The following GALNTL6 variants were observed in gnomAD, a reference collection of about 807,000 sequenced individuals.
GALNTL6 encodes polypeptide N-acetylgalactosaminyltransferase like 6, also known as polypeptide N-acetylgalactosaminyltransferase-like 6.
A neutral mutation model predicts 73.7 loss-of-function variants in GALNTL6; 46 were observed. The ratio of observed to expected loss-of-function variants is 0.62; its 90% confidence interval spans 0.49 to 0.80. GALNTL6 has a LOEUF of 0.80. Among genes scored for constraint, GALNTL6 ranks in the 30% least tolerant of loss-of-function variants. The pLI is 0.00. For synonymous variants in GALNTL6, 259 were observed against 263.7 expected (o/e 0.98, Z 0.17); for missense variants, 604 against 755.0 (o/e 0.80, Z 2.34).
At chr4:172,146,332 T>C (rs1228921845) in intron 2 of GALNTL6, among the ~76,000 whole-genome samples, 2 of 152,138 alleles carry the variant, frequency 1.3e-5, no homozygotes, top group Non-Finnish European at 2.9e-5. Flanking sequence ...TAAATACGTG[T>C]CAGTTTTGGA....
chr4:171,954,172 T>A (rs1738976148), intron 2 of GALNTL6, among the ~76,000 whole-genome samples: 1 of 152,232 alleles, frequency 6.6e-6, no homozygotes, highest in Admixed American at 6.5e-5. Context: ...TGTCATTTTG[T>A]ATTCTATCAA....
chr4:172,961,001 G>A (rs942075286), intron 10 of GALNTL6, among the ~76,000 whole-genome samples: 1 of 136,022 alleles, frequency 7.4e-6, no homozygotes, highest in Non-Finnish European at 1.6e-5. Flanking sequence ...GGGAGAAGGG[G>A]TTGGGGGGTT....
intron 3 of GALNTL6, among the ~76,000 whole-genome samples, chr4:172,258,228 G>A (rs909902574): frequency 2.6e-5 from 4 of 151,236 alleles, no homozygotes; most frequent in Non-Finnish European, 5.9e-5. Flanking sequence ...TATTTGTGAT[G>A]CCAAATGCAA....
chr4:172,411,614 A>G (rs900698328), intron 5 of GALNTL6, among the ~76,000 whole-genome samples: 4 of 142,590 alleles, frequency 2.8e-5, no homozygotes, highest in Admixed American at 1.4e-4. Flanking sequence ...GGACATGTTG[A>G]AAAAAAAAAA....
chr4:172,443,212 C>G (rs1236443170), intron 5 of GALNTL6, among the ~76,000 whole-genome samples: 1 of 136,826 alleles, frequency 7.3e-6, no homozygotes, highest in Non-Finnish European at 1.5e-5. Context: ...GTCCCCCAGG[C>G]TGGAGTGCAG....
Position 172,515,805 on chromosome 4 carries a change from A to C in GALNTL6, c.553+167116A>C, listed in dbSNP as rs560237111. 2.4e-4 allele frequency among the ~76,000 whole-genome samples: 36 copies of C among 152,278 alleles called. 1 individual carries two copies. In the South Asian group the frequency reaches 7.5e-3, roughly 32 times the overall value. ...CAAACACCAATACTCCCAGCACCTAAAAAATTTAGGGCCTCAGTTCTGAAG... is the reference window on the plus strand; with the variant it reads ...CAAACACCAATACTCCCAGCACCTACAAAATTTAGGGCCTCAGTTCTGAAG... On this transcript the variant is annotated intron_variant, in intron 5 of 12. Transcript: ENST00000506823.
chr4:172,243,400 A>G (rs836320), intron 3 of GALNTL6, among the ~76,000 whole-genome samples: 148,236 of 152,258 alleles, frequency 0.97, 72,295 homozygotes, highest in East Asian at 1. Context: ...ATTTACACAC[A>G]TGTATTTACG....
chr4:172,876,518 C>T (rs12512152), intron 7 of GALNTL6, among the ~76,000 whole-genome samples: 75,303 of 151,962 alleles, frequency 0.5, 21,901 homozygotes, highest in East Asian at 0.9. Flanking sequence ...AATCCAGTTA[C>T]GCATTGCAAT....
chr4:172,290,330 TAAC>T (rs1056544297), intron 3 of GALNTL6, among the ~76,000 whole-genome samples: 11 of 152,178 alleles, frequency 7.2e-5, no homozygotes, highest in African/African-American at 2.2e-4. Flanking sequence ...TAGATTTCAA[TAAC>T]AACAACAAAA....
intron 2 of GALNTL6, among the ~76,000 whole-genome samples, chr4:172,211,211 G>A (rs557306580): frequency 2.6e-4 from 40 of 152,210 alleles, no homozygotes; most frequent in African/African-American, 9.6e-4. Context: ...ATTTCCCCAA[G>A]GAGCCCTGGT....
At chr4:172,045,513 T>C (rs1005979014) in intron 2 of GALNTL6, among the ~76,000 whole-genome samples, 6 of 151,998 alleles carry the variant, frequency 3.9e-5, no homozygotes, top group African/African-American at 1.4e-4. Flanking sequence ...AAATGCCTGA[T>C]TTAAAAATAA....
chr4:172,590,558 A>G lies in GALNTL6; in HGVS notation c.554-218803A>G, dbSNP rs193217404. ...AAATAAACCTCCCCCTCAATTTAAC[A>G]AAGACAAAGCTTTAGATGAACTCGC... On this transcript the variant is annotated intron_variant, in intron 5 of 12. Transcript: ENST00000506823. Among the ~76,000 whole-genome samples, 1,036 of 152,302 alleles carry G rather than the reference A, an allele frequency of 6.8e-3. 13 individuals are homozygous for G. The highest frequency in any genetic ancestry group is 0.024 in the African/African-American group (981 of 41,560).
chr4:171,945,866 G>T (rs1028405370), intron 2 of GALNTL6, among the ~76,000 whole-genome samples: 5 of 152,102 alleles, frequency 3.3e-5, no homozygotes, highest in Non-Finnish European at 7.4e-5. Context: ...TATGAAACTT[G>T]TTCTTTCAAT....
Position 171,903,235 on chromosome 4 carries a change from G to C in GALNTL6, c.138+88517G>C, listed in dbSNP as rs188291200. 3.7e-3 allele frequency among the ~76,000 whole-genome samples: 560 copies of C among 152,238 alleles called. 1 individual carries two copies. The highest frequency in any genetic ancestry group is 6.0e-3 in the South Asian group (29 of 4,826). ...TCTGCATTTCCATCTGAGGTACCGG[G>C]TTCATCTCACTAGGGAGTGCCAGAC... is the stretch of plus-strand genomic sequence containing the variant. On this transcript the variant is annotated intron_variant, in intron 2 of 12. Transcript: ENST00000506823.
intron 2 of GALNTL6, among the ~76,000 whole-genome samples, chr4:172,045,276 G>C (rs2110847399): frequency 6.6e-6 from 1 of 152,132 alleles, no homozygotes; most frequent in South Asian, 2.1e-4. Context: ...GTACAGTGGA[G>C]CAGGTGGGTC....
At chr4:172,539,985 G>C (rs1735491317) in intron 5 of GALNTL6, among the ~76,000 whole-genome samples, 1 of 148,076 alleles carries the variant, frequency 6.8e-6, no homozygotes, top group South Asian at 2.1e-4. Context: ...AATAAACTTG[G>C]GGTTAGAAAC....
At chr4:172,116,930 G>T (rs527715843) in intron 2 of GALNTL6, among the ~76,000 whole-genome samples, 4 of 151,960 alleles carry the variant, frequency 2.6e-5, no homozygotes, top group South Asian at 2.1e-4. Context: ...TACCTTTATT[G>T]CTTTTTAAAA....
At chr4:172,248,506 C>T (rs1200859315) in intron 3 of GALNTL6, among the ~76,000 whole-genome samples, 2 of 152,126 alleles carry the variant, frequency 1.3e-5, no homozygotes, top group Non-Finnish European at 2.9e-5. Context: ...TCATTTATCA[C>T]AGGGAGGTAA....
chr4:171,822,516 A>G (rs1288553092), intron 2 of GALNTL6, among the ~76,000 whole-genome samples: 1 of 152,230 alleles, frequency 6.6e-6, no homozygotes, highest in South Asian at 2.1e-4. Flanking sequence ...TGCTTGGTAC[A>G]TGGTAAATAA....
Sources: allele counts gnomAD v4.1 joint callset (sites outside exome capture counted in the v4.1 genomes callset), GRCh38; gene constraint gnomAD v4.1.1; transcripts MANE v1.5; gene names NCBI Gene and HGNC (gene_info 2026-07-23, HGNC 2026-07-21).